LTF: variants seen among roughly 807,000 people sequenced by gnomAD.
The protein encoded by LTF is lactotransferrin.
In LTF, 91 loss-of-function variants were observed where a neutral mutation model predicts 87.2. The ratio of observed to expected loss-of-function variants is 1.04; its 90% CI spans 0.88 to 1.24. The LOEUF is 1.24. LTF is among the 50% of genes most tolerant of loss of function. The probability of loss-of-function intolerance (pLI) is 0.00; values close to 1 mark genes in which losing one functional copy is unlikely to be tolerated. For missense variants in LTF, 901 were observed against 904.3 expected (o/e 1.00, Z 0.05); for synonymous variants, 378 against 356.1 (o/e 1.06, Z -0.69).
At chr3:46,445,498 C>T (rs1461757269) in intron 11 of LTF, 62 bp from the exon 12 acceptor site, 1 of 1,504,110 alleles carries the variant, frequency 6.6e-7, no homozygotes, top group African/African-American at 1.4e-5. Flanking sequence ...ACATGGATTC[C>T]AGTGGAGCTG....
chr3:46,439,979 G>A (rs1175217802), intron 14 of LTF, among the ~76,000 whole-genome samples: 1 of 150,984 alleles, frequency 6.6e-6, no homozygotes, highest in South Asian at 2.1e-4. Flanking sequence ...CCAACCTATG[G>A]AGACAGAAAG....
intron 1 of LTF, among the ~76,000 whole-genome samples, chr3:46,473,774 C>T (rs1471232047): frequency 6.6e-6 from 1 of 152,196 alleles, no homozygotes; most frequent in Non-Finnish European, 1.5e-5. Flanking sequence ...GAGAACGTCC[C>T]CATCTCAAGA....
At chr3:46,446,999 G>A (rs1405226051) in intron 10 of LTF, among the ~76,000 whole-genome samples, 1 of 152,168 alleles carries the variant, frequency 6.6e-6, no homozygotes, top group Non-Finnish European at 1.5e-5. Context: ...CTGGGCCCGA[G>A]AGCATGGACT....
upstream of LTF, chr3:46,469,605 G>A (rs1034004956): frequency 1.3e-5 from 2 of 152,636 alleles, no homozygotes; most frequent in African/African-American, 4.8e-5. Context: ...CCTGAAGAGA[G>A]GGGCAGAGAA....
intron 4 of LTF, 84 bp from the exon 5 acceptor site, chr3:46,455,526 G>A (rs1702907150): frequency 2.6e-6 from 4 of 1,533,358 alleles, no homozygotes; most frequent in Non-Finnish European, 8.9e-7. Context: ...AGGTCTCCGT[G>A]GGCAAGGCCC....
chr3:46,468,604 C>G (rs985530915), upstream of LTF, among the ~76,000 whole-genome samples: 2 of 152,218 alleles, frequency 1.3e-5, no homozygotes, highest in Admixed American at 6.5e-5. Flanking sequence ...CACACCCTGC[C>G]CTCTATGAGC....
chr3:46,479,338 C>T (rs896843742), intron 1 of LTF, among the ~76,000 whole-genome samples: 4 of 152,076 alleles, frequency 2.6e-5, no homozygotes, highest in East Asian at 1.9e-4. Flanking sequence ...TTACAGGGCC[C>T]GGGAATTGTG....
rs1164186938 is a variant in LTF, at chr3:46,455,896, G to A, written c.399C>T (p.Ser133=). 1.9e-6 allele frequency: 3 copies of A among 1,613,694 alleles called. No individual in the cohort carries two copies. The Admixed American group carries it at 5.0e-5, about 27-fold the overall frequency. The stretch of plus-strand genomic sequence containing the variant: ...CGGTCCTGCGAAGGCCTGTGTGGCA[G>A]GACTTCAGACCTTGCAGTTCGTTCA... ...FQLNELQGLK[S]CHTGLRRTAG... is the part of the protein sequence containing the mutation. Residue 133 remains serine (S), a synonymous_variant, in exon 4 of 17, where the codon TCC becomes TCT. Coordinates refer to ENST00000231751, the MANE Select transcript of LTF (RefSeq NM_002343.6).
At chr3:46,447,284 C>T (rs776176728) in intron 10 of LTF, 24 bp downstream of exon 10, 16 of 1,592,632 alleles carry the variant, frequency 1.0e-5, no homozygotes, top group Non-Finnish European at 1.4e-5. Flanking sequence ...AGGGAATATA[C>T]CAGAGGATGC....
In LTF at chr3:46,447,340, C is replaced by T. The variant is rs753908174; in HGVS notation, c.1271G>A (p.Cys424Tyr). ...DGGYVYTAGK[C>Y]GLVPVLAENY... is the part of the protein sequence containing the mutation. ...CTCTGCCAGGACAGGCACCAAACCA[C>T]ATTTGCCTGCAGTGTACACATATCC... Residue 424 changes from cysteine to tyrosine, a missense_variant, in exon 10 of 17, where the codon TGT becomes TAT. Physicochemically the swap from Cys to Tyr is radical, Grantham distance 194. Transcript: ENST00000231751. 17 of 1,614,212 alleles carry T rather than the reference C, an allele frequency of 1.1e-5. No individual in the cohort carries two copies. The South Asian group carries it at 1.8e-4, about 17-fold the overall frequency.
At chr3:46,439,020 A>G (rs1490756331) in intron 15 of LTF, among the ~76,000 whole-genome samples, 2 of 152,168 alleles carry the variant, frequency 1.3e-5, no homozygotes, top group African/African-American at 4.8e-5. Flanking sequence ...CAGGAGGGAA[A>G]AAGACAGCCT....
intron 9 of LTF, among the ~76,000 whole-genome samples, chr3:46,448,584 G>A (rs992293783): frequency 6.6e-6 from 1 of 152,060 alleles, no homozygotes; most frequent in Non-Finnish European, 1.5e-5. Context: ...GTGGTTTGGG[G>A]GGTTTGTTGT....
At position 46,472,527 on chromosome 3, in the gene LTF, T is replaced by TGTGTGTGTGTGTGA. The variant is rs1402389714; in HGVS notation, c.-319-2062_-319-2061insTCACACACACACAC. Among the ~76,000 whole-genome samples, 11 of 130,822 alleles carry TGTGTGTGTGTGTGA rather than the reference T, an allele frequency of 8.4e-5. No homozygotes were observed. In the East Asian group the frequency reaches 9.2e-4, roughly 11 times the overall value. The allele number at this position is 130,822 out of a possible 152,430, so 85.8% of individuals were successfully genotyped here. ...GTGTGTGTGTGTGTGTGTGTGTGTG[T>TGTGTGTGTGTGTGA]GAGAGAGAGAGAGAGAGAGAGAGAG... On this transcript the variant is annotated intron_variant, in intron 1 of 19. Transcript: ENST00000443496.
Position 46,450,912 on chromosome 3 carries a change from T to C in LTF, c.704-239A>G, listed in dbSNP as rs1245884396. 2.0e-5 allele frequency among the ~76,000 whole-genome samples: 3 copies of C among 151,998 alleles called. No homozygotes were observed. In the East Asian group the frequency reaches 5.8e-4, roughly 29 times the overall value. On this transcript the variant is annotated intron_variant, in intron 6 of 16. Transcript: ENST00000231751. ...CTAAATCACTTAGGCCACCCTGGGG[T>C]TCCCGTGCAGCTGCTGCCTGGCAGG...
intron 1 of LTF, among the ~76,000 whole-genome samples, chr3:46,483,968 G>A (rs536471461): frequency 6.6e-6 from 1 of 152,228 alleles, no homozygotes; most frequent in South Asian, 2.1e-4. Context: ...AAAGCCCCCA[G>A]CAGGAAGGCA....
At chr3:46,454,800 G>A (rs987333535) in intron 5 of LTF, among the ~76,000 whole-genome samples, 2 of 152,136 alleles carry the variant, frequency 1.3e-5, no homozygotes, top group African/African-American at 4.8e-5. Flanking sequence ...CTCCGCGTGG[G>A]GGCAGAGAGG....
At chr3:46,459,862 GAGGGCGTGACC>G (rs1703036626) in intron 1 of LTF, 43 bp from the exon 2 acceptor site, 1 of 1,445,412 alleles carries the variant, frequency 6.9e-7, no homozygotes. Flanking sequence ...ACCACTGACT[GAGGGCGTGACC>G]ACCGCACCCT....
chr3:46,454,704 C>T (rs1241507429), intron 5 of LTF, among the ~76,000 whole-genome samples: 2 of 152,160 alleles, frequency 1.3e-5, no homozygotes, highest in Non-Finnish European at 2.9e-5. Flanking sequence ...TGCAGGTGTG[C>T]CCTGGCCAGT....
rs1377669031 is a variant in LTF at position 46,449,921 on chromosome 3, G to A, written c.990C>T (p.Pro330=). Residue 330 remains proline (P), a synonymous_variant, in exon 8 of 17, where the codon CCC becomes CCT. Coordinates refer to ENST00000231751, the MANE Select transcript of LTF (RefSeq NM_002343.6). ...KDSAIGFSRV[P]PRIDSGLYLG... ...GGTACAGCCCAGAATCTATCCTCGG[G>A]GGCACCCTCGAAAACCCAATGGCAG... 6.2e-7 allele frequency: 1 copy of A among 1,614,020 alleles called. No homozygotes were observed. The highest frequency in any genetic ancestry group is 1.3e-5 in the African/African-American group (1 of 74,904).
Sources: allele counts gnomAD v4.1 joint callset (sites outside exome capture counted in the v4.1 genomes callset), GRCh38; gene constraint gnomAD v4.1.1; transcripts MANE v1.5; gene names NCBI Gene and HGNC (gene_info 2026-07-23, HGNC 2026-07-21).